CROCC: variants seen among roughly 807,000 people sequenced by gnomAD.
The protein encoded by CROCC is rootletin.
CROCC carries 180 observed loss-of-function variants against 245.2 expected under a neutral mutation model. That is an observed-to-expected ratio of 0.73 (90% confidence interval 0.65 to 0.83). CROCC has a LOEUF of 0.83. Ranked by LOEUF, CROCC falls within the 40% of genes least tolerant of loss-of-function variation. The pLI, the probability that CROCC is intolerant of heterozygous loss-of-function variation, is 0.00. For missense variants in CROCC, 2,688 were observed against 2,779.4 expected (o/e 0.97, Z 0.74); for synonymous variants, 1,205 against 1,241.6 (o/e 0.97, Z 0.62).
At chr1:16,969,976 G>A (rs766186279) in intron 33 of CROCC, 42 bp downstream of exon 33, 1 of 1,539,742 alleles carries the variant, frequency 6.5e-7, no homozygotes, top group Non-Finnish European at 8.7e-7. Flanking sequence ...AAGACTGTGA[G>A]GCCCTAGGAT....
At position 16,954,598 on chromosome 1, in the gene CROCC, GT is replaced by G; in HGVS notation, c.3322-134del. On this transcript the variant is annotated intron_variant, in intron 22 of 36. Transcript: ENST00000375541. This position sits in a 1 kb window ranked among gnomAD's most constrained non-coding sequence, Gnocchi z 4.4. The stretch of plus-strand genomic sequence containing the variant: ...GGCAGCACTCACTATGCATCCAGGG[GT>G]TGGCAGAGGGTCCGGCAGGCCAGCG... 1 of 1,258,962 alleles carries G rather than the reference GT, an allele frequency of 7.9e-7. No homozygotes were observed. Among genetic ancestry groups the G allele is most frequent in the Non-Finnish European group, 1.1e-6 (1 of 923,152 alleles). 78.0% of individuals were successfully genotyped at this position (1,258,962 alleles called of 1,614,324 possible).
intron 30 of CROCC, among the ~76,000 whole-genome samples, chr1:16,967,277 C>T (rs1265121811): frequency 6.6e-6 from 1 of 152,052 alleles, no homozygotes. Flanking sequence ...GCTATGTGTG[C>T]CAGTGTGTAT....
Position 16,972,649 on chromosome 1 carries a change from C to G in CROCC, c.*203C>G, listed in dbSNP as rs978792404. 3.9e-6 allele frequency: 2 copies of G among 507,430 alleles called. No individual in the cohort carries two copies. The highest frequency in any genetic ancestry group is 4.0e-5 in the African/African-American group (2 of 49,724). The allele number at this position is 507,430 out of a possible 1,614,324, so 31.4% of individuals were successfully genotyped here. ...CCCAGCAACACCTGCAGTCCAGCCCCCCTCTTCTAGGATGAGCCACTGTAG... is the reference window on the plus strand; with the variant it reads ...CCCAGCAACACCTGCAGTCCAGCCCGCCTCTTCTAGGATGAGCCACTGTAG... On this transcript the variant is annotated 3_prime_UTR_variant, in exon 37 of 37. Transcript: ENST00000375541.
intron 3 of CROCC, among the ~76,000 whole-genome samples, chr1:16,927,773 G>A (rs1206041766): frequency 6.6e-6 from 1 of 152,282 alleles, no homozygotes; most frequent in Non-Finnish European, 1.5e-5. Flanking sequence ...ATTGACCTCA[G>A]TGGGCTTGGC....
At chr1:16,942,165 C>A (rs1255482146) in intron 13 of CROCC, among the ~76,000 whole-genome samples, 1 of 152,252 alleles carries the variant, frequency 6.6e-6, no homozygotes, top group African/African-American at 2.4e-5. Context: ...CACACACCAC[C>A]ACGCCTGCCT....
At chr1:16,917,302 ATG>A (rs1396717940), upstream of CROCC, among the ~76,000 whole-genome samples, 1 of 152,294 alleles carries the variant, frequency 6.6e-6, no homozygotes, top group Non-Finnish European at 1.5e-5. Context: ...TAAGGGACAG[ATG>A]TAACGTTTTG....
intron 3 of CROCC, among the ~76,000 whole-genome samples, chr1:16,927,675 A>G (rs2075566648): frequency 6.6e-6 from 1 of 152,282 alleles, no homozygotes; most frequent in African/African-American, 2.4e-5. Flanking sequence ...CCCCACTCGC[A>G]CCTAGTGAGA....
At chr1:16,914,362 C>T (rs867367555) in intron 1 of CROCC, among the ~76,000 whole-genome samples, 1 of 152,222 alleles carries the variant, frequency 6.6e-6, no homozygotes, top group South Asian at 2.1e-4. Flanking sequence ...TGTCGCGGGC[C>T]GGGGGCACGA....
chr1:16,930,392 T>C, intron 6 of CROCC, 37 bp from the exon 7 acceptor site: 1 of 1,611,176 alleles, frequency 6.2e-7, no homozygotes, highest in Non-Finnish European at 8.5e-7. Context: ...GATGGCCCCC[T>C]GCGCGAGCGC....
chr1:16,928,774 G>A (rs1434301030), intron 3 of CROCC, among the ~76,000 whole-genome samples: 1 of 151,784 alleles, frequency 6.6e-6, no homozygotes, highest in African/African-American at 2.4e-5. Context: ...TTGCACTCCA[G>A]CCCAGGAGAC....
chr1:16,947,999 C>T (rs575643367), intron 17 of CROCC, among the ~76,000 whole-genome samples: 1,022 of 152,134 alleles, frequency 6.7e-3, no homozygotes, highest in Middle Eastern at 0.031. Flanking sequence ...CCACCACGCC[C>T]GGCTAATTTT....
Position 16,930,579 on chromosome 1 carries a change from G to C in CROCC, c.834G>C (p.Trp278Cys). The change falls in exon 7 of 37, where the codon TGG becomes TGC. Residue 278 changes from tryptophan (W) to cysteine (C), a missense_variant. By Grantham distance (215) the Trp-to-Cys change is radical. This residue lies in a region of CROCC where 972 missense variants were observed against 895.3 expected (regional missense o/e 1.09). Transcript: ENST00000375541. ...AGCTGGAGCACCGGGAGGCGGCGTG[G>C]AGGCGCGAGGAGGAGGTGGGCATGG... is the stretch of plus-strand genomic sequence containing the variant. ...RKELEHREAA[W>C]RREEESFNAY... is the part of the protein sequence containing the mutation. 1.2e-6 allele frequency: 2 copies of C among 1,610,410 alleles called. No homozygotes were observed. The highest frequency in any genetic ancestry group is 1.7e-6 in the Non-Finnish European group (2 of 1,179,008).
chr1:16,952,199 G>A (rs1357587686), intron 20 of CROCC, among the ~76,000 whole-genome samples: 2 of 145,604 alleles, frequency 1.4e-5, no homozygotes, highest in Non-Finnish European at 3.0e-5. Context: ...AAGAAGGGGC[G>A]GTTTGGCCGG....
At position 16,946,993 on chromosome 1, in the gene CROCC, T is replaced by C. The variant is rs1308937123; in HGVS notation, c.2514+2T>C. Reference sequence around the variant, plus strand: ...CAGCTGCAGGAGCAGCTAGCGCAGGTGGGCAAAGCTGTGTGTGGGGGTGGT... The same window carrying C: ...CAGCTGCAGGAGCAGCTAGCGCAGGCGGGCAAAGCTGTGTGTGGGGGTGGT... On this transcript the variant is annotated splice_donor_variant, in intron 17 of 36. Coordinates refer to ENST00000375541, the MANE Select transcript of CROCC (RefSeq NM_014675.5). LOFTEE classifies it high-confidence loss of function. 6.5e-7 allele frequency: 1 copy of C among 1,548,964 alleles called. No homozygotes were observed. Among genetic ancestry groups the C allele is most frequent in the South Asian group, 1.2e-5 (1 of 83,882 alleles).
At chr1:16,955,071 G>C (rs1430221451) in intron 23 of CROCC, among the ~76,000 whole-genome samples, 194 bp downstream of exon 23, 2 of 152,216 alleles carry the variant, frequency 1.3e-5, no homozygotes, top group Non-Finnish European at 2.9e-5. Context: ...GCCTCAAGGA[G>C]GGGTGAGTGG....
Position 16,936,869 on chromosome 1 carries a change from G to A in CROCC, c.1189G>A (p.Ala397Thr), listed in dbSNP as rs2075802497. ...QSDLDKADLSARVTELGLAVK... is the reference protein window; with the variant it reads ...QSDLDKADLSTRVTELGLAVK... Reference sequence around the variant, plus strand: ...CGACCTGGACAAGGCTGACCTCAGTGCCAGGTGGGTACCTGGTGGATGCCG... The same window carrying A: ...CGACCTGGACAAGGCTGACCTCAGTACCAGGTGGGTACCTGGTGGATGCCG... Residue 397 changes from alanine (A) to threonine (T), a missense_variant, in exon 9 of 37, where the codon GCC (alanine) becomes ACC (threonine). Physicochemically the swap from Ala to Thr is moderately conservative, Grantham distance 58. This residue lies in a region of CROCC where 972 missense variants were observed against 895.3 expected (regional missense o/e 1.09). Transcript: ENST00000375541. 1 of 1,608,704 alleles carries A rather than the reference G, an allele frequency of 6.2e-7. No homozygotes were observed. The highest frequency in any genetic ancestry group is 2.2e-5 in the East Asian group (1 of 44,828).
rs549030972 is a variant in CROCC, at chr1:16,956,020, A to G, written c.3728A>G (p.Lys1243Arg). 10 of 1,550,948 alleles carry G rather than the reference A, an allele frequency of 6.4e-6. No homozygotes were observed. In the South Asian group the frequency reaches 1.2e-4, roughly 18 times the overall value. ...AGCCTGAAGCTTGCCAATGAGGACA[A>G]GGAGCAGAAGCTGGCACTCCTAGAG... ...RISLKLANED[K>R]EQKLALLEEA... The change falls in exon 25 of 37, where the codon AAG (lysine) becomes AGG (arginine). Residue 1243 changes from lysine (K) to arginine (R), a missense_variant. Physicochemically the swap from Lys to Arg is conservative, Grantham distance 26 (BLOSUM62 2). Around this residue, in one of 9 missense-constraint regions of CROCC, gnomAD observed 1,218 missense variants for 1,286.3 expected, o/e 0.95. Coordinates refer to ENST00000375541, the MANE Select transcript of CROCC (RefSeq NM_014675.5).
At chr1:16,916,750 C>T (rs1289175271) in intron 1 of CROCC, among the ~76,000 whole-genome samples, 1 of 152,292 alleles carries the variant, frequency 6.6e-6, no homozygotes, top group Non-Finnish European at 1.5e-5. Flanking sequence ...TGGGCTCAGG[C>T]AGTCCTCCTA....
At chr1:16,943,803 C>T (rs916896598) in intron 13 of CROCC, among the ~76,000 whole-genome samples, 1 of 152,286 alleles carries the variant, frequency 6.6e-6, no homozygotes, top group East Asian at 1.9e-4. Context: ...GGCACAATTG[C>T]CGTGTGTCCC....
Sources: gnomAD v4.1 joint callset for allele counts (sites outside exome capture counted in the v4.1 genomes callset) on GRCh38, gnomAD v4.1.1 for gene constraint, gnomAD v4.1.1 regional missense constraint, Gnocchi (gnomAD v3.1) non-coding constraint, MANE v1.5 for transcripts, NCBI Gene and HGNC (gene_info 2026-07-23, HGNC 2026-07-21) for gene names.